Variants in FBLN2 observed in about 807,000 individuals in gnomAD.
FBLN2 encodes the protein fibulin 2.
FBLN2 carries 81 observed loss-of-function variants against 123.7 expected under a neutral mutation model. The observed-to-expected ratio is 0.65, with a 90% CI of 0.55 to 0.79. The LOEUF (loss-of-function observed/expected upper bound fraction) is 0.79, where lower values mean the gene tolerates loss of function less well. Ranked by LOEUF, FBLN2 falls within the 30% of genes least tolerant of loss-of-function variation. The pLI is 0.00. For missense variants in FBLN2, 1,603 were observed against 1,681.3 expected (o/e 0.95, Z 0.81); for synonymous variants, 699 against 701.4 (o/e 1.00, Z 0.05).
intron 1 of FBLN2, among the ~76,000 whole-genome samples, chr3:13,564,949 G>T (rs867102403): frequency 2.0e-5 from 3 of 152,208 alleles, no homozygotes; most frequent in South Asian, 2.1e-4. Context: ...GGTGAGAGAG[G>T]CAGCTGGGGC....
intron 1 of FBLN2, among the ~76,000 whole-genome samples, chr3:13,551,460 C>T (rs1325992887): frequency 6.6e-6 from 1 of 152,200 alleles, no homozygotes; most frequent in African/African-American, 2.4e-5. Context: ...GGGTGGAACT[C>T]TTGCACCTAT....
At chr3:13,553,975 G>A (rs2125030560) in intron 1 of FBLN2, among the ~76,000 whole-genome samples, 1 of 152,374 alleles carries the variant, frequency 6.6e-6, no homozygotes, top group South Asian at 2.1e-4. Flanking sequence ...GCTCTGAAGT[G>A]TGATGAGGCC....
Position 13,629,983 on chromosome 3 carries a change from T to C in FBLN2, c.2968+38T>C, listed in dbSNP as rs766170939. ...TCATCTCTGACCCTATGCCGCCTGG[T>C]ATCTGTAGTGGGCAGACCCGCCGTG... On this transcript the variant is annotated intron_variant, in intron 14 of 17. Transcript: ENST00000404922. The C allele has an allele frequency of 6.2e-6, 10 of 1,604,802 alleles. No homozygotes were observed. The African/African-American group carries it at 1.2e-4, about 19-fold the overall frequency.
chr3:13,614,605 T>TCCAC (rs1173398319), intron 5 of FBLN2, among the ~76,000 whole-genome samples: 3 of 108,682 alleles, frequency 2.8e-5, no homozygotes, highest in Admixed American at 2.3e-4. Context: ...CATCCATCCA[T>TCCAC]CCACCCATCC....
chr3:13,634,832 A>G (rs958389834), intron 16 of FBLN2, among the ~76,000 whole-genome samples: 1 of 152,216 alleles, frequency 6.6e-6, no homozygotes, highest in Non-Finnish European at 1.5e-5. Context: ...CCTGGCAGCT[A>G]TGTGACCCTG....
At chr3:13,568,990 T>C (rs1574948428) in intron 1 of FBLN2, 1 of 985,778 alleles carries the variant, frequency 1.0e-6, no homozygotes, top group East Asian at 1.1e-4. Flanking sequence ...TGTCCCTCTG[T>C]CACTGCCCTA....
At chr3:13,579,567 T>C (rs1450534819) in intron 2 of FBLN2, among the ~76,000 whole-genome samples, 6 of 152,260 alleles carry the variant, frequency 3.9e-5, no homozygotes, top group Non-Finnish European at 7.3e-5. Flanking sequence ...TTCTGTTCTA[T>C]GCCTTTTTCA....
intron 9 of FBLN2, among the ~76,000 whole-genome samples, chr3:13,624,017 C>T (rs1018975184): frequency 2.4e-4 from 37 of 152,196 alleles, no homozygotes; most frequent in African/African-American, 7.7e-4. Flanking sequence ...CTTTTGTGGT[C>T]TGTACTTTGA....
intron 2 of FBLN2, among the ~76,000 whole-genome samples, chr3:13,593,394 C>T (rs1440474347): frequency 1.3e-5 from 2 of 152,172 alleles, no homozygotes; most frequent in African/African-American, 2.4e-5. Context: ...ATTCCAATCT[C>T]AGTACAGTCA....
At chr3:13,580,925 C>T (rs1274549841) in intron 2 of FBLN2, among the ~76,000 whole-genome samples, 1 of 152,222 alleles carries the variant, frequency 6.6e-6, no homozygotes, top group African/African-American at 2.4e-5. Flanking sequence ...GAACGTGTGT[C>T]TGTGGTCACC....
intron 1 of FBLN2, among the ~76,000 whole-genome samples, chr3:13,554,700 A>G (rs189005201): frequency 2.5e-4 from 38 of 152,192 alleles, no homozygotes; most frequent in African/African-American, 9.2e-4. Flanking sequence ...GTTTTGGCCC[A>G]TGGGCATCCC....
chr3:13,600,337 A>G (rs1704989840), intron 2 of FBLN2, among the ~76,000 whole-genome samples: 1 of 152,030 alleles, frequency 6.6e-6, no homozygotes, highest in African/African-American at 2.4e-5. Flanking sequence ...TCCCAGCATA[A>G]GGGTCACAGC....
intron 17 of FBLN2, among the ~76,000 whole-genome samples, chr3:13,637,092 G>A (rs1232877146): frequency 6.6e-6 from 1 of 152,184 alleles, no homozygotes; most frequent in African/African-American, 2.4e-5. Context: ...AAGTGCCAGC[G>A]GCAGCCCCTT....
intron 6 of FBLN2, 106 bp downstream of exon 6, chr3:13,618,391 C>T (rs1705710950): frequency 9.5e-7 from 1 of 1,052,052 alleles, no homozygotes; most frequent in African/African-American, 1.6e-5. Context: ...TTCCTGTTAC[C>T]CCACAAGTTG....
At chr3:13,616,013 G>C (rs1490401049) in intron 5 of FBLN2, among the ~76,000 whole-genome samples, 2 of 152,198 alleles carry the variant, frequency 1.3e-5, no homozygotes, top group East Asian at 3.8e-4. Flanking sequence ...GTGTGGTACA[G>C]GTGGGAGAAC....
chr3:13,629,061 G>T lies in FBLN2; in HGVS notation c.2713+13G>T. 1 of 1,612,764 alleles carries T rather than the reference G, an allele frequency of 6.2e-7. No individual in the cohort carries two copies. Among genetic ancestry groups the T allele is most frequent in the Non-Finnish European group, 8.5e-7 (1 of 1,179,626 alleles). On this transcript the variant is annotated intron_variant, in intron 12 of 17. Transcript: ENST00000404922. ...ACCAAGTGTGTGGGTAAGGCCAGCC[G>T]CCTCCGCCCTGCCAGCCAGCCCGGC...
chr3:13,549,222 G>A lies in FBLN2; in HGVS notation c.-42+14G>A. ...CAGTGCCCCGCGGTGAGTGCACGCG[G>A]CCCCTCCCGCCCGGACTCATCCCCG... On this transcript the variant is annotated intron_variant, in intron 1 of 17. Coordinates refer to ENST00000404922, the MANE Select transcript of FBLN2 (RefSeq NM_001004019.2). 10 of 983,512 alleles carry A rather than the reference G, an allele frequency of 1.0e-5. No individual in the cohort carries two copies. Among genetic ancestry groups the A allele is most frequent in the Non-Finnish European group, 1.2e-5 (10 of 829,150 alleles). 60.9% of individuals were successfully genotyped at this position (983,512 alleles called of 1,614,324 possible). A position where few individuals can be genotyped will look rare whatever the true frequency, so the allele number is the denominator to read the frequency against.
At chr3:13,628,037 T>G (rs1966825) in intron 11 of FBLN2, 68 bp downstream of exon 11, 1,091,753 of 1,550,358 alleles carry the variant, frequency 0.7, 388,350 homozygotes, top group East Asian at 0.99. Flanking sequence ...TGGGGGCTTT[T>G]AGGGCTTTAG....
In FBLN2 at chr3:13,619,785, C is replaced by T. The variant is rs41293411; in HGVS notation, c.2109C>T (p.Ser703=). 627 of 1,613,030 alleles carry T rather than the reference C, an allele frequency of 3.9e-4. 1 individual carries two copies. The highest frequency in any genetic ancestry group is 5.0e-4 in the Non-Finnish European group (594 of 1,179,436). The change falls in exon 8 of 18, where the codon TCC becomes TCT. Residue 703 remains serine, a synonymous_variant. Coordinates refer to ENST00000404922, the MANE Select transcript of FBLN2 (RefSeq NM_001004019.2). The part of the protein sequence containing the change: ...CSTVGGSAIC[S]CFPGYAIMAD... ...CTGTTGGGGGCTCAGCCATATGCTCCTGTTTTCCCGGCTATGCCATCATGG... is the reference window on the plus strand; with the variant it reads ...CTGTTGGGGGCTCAGCCATATGCTCTTGTTTTCCCGGCTATGCCATCATGG...
Sources: gnomAD v4.1 joint callset for allele counts (sites outside exome capture counted in the v4.1 genomes callset) on GRCh38, gnomAD v4.1.1 for gene constraint, MANE v1.5 for transcripts, NCBI Gene and HGNC (gene_info 2026-07-23, HGNC 2026-07-21) for gene names.